KDM5A: variants seen among roughly 807,000 people sequenced by gnomAD.
KDM5A encodes the protein lysine-specific demethylase 5A.
In KDM5A, 42 loss-of-function variants were observed where a neutral mutation model predicts 193.5. That is an observed-to-expected ratio of 0.22 (90% CI 0.17 to 0.28). The LOEUF is 0.28. Among genes scored for constraint, KDM5A ranks in the 10% least tolerant of loss-of-function variants. The pLI, the probability that KDM5A is intolerant of heterozygous loss-of-function variation, is 1.00. For missense variants in KDM5A, 1,692 were observed against 2,055.1 expected (o/e 0.82, Z 3.42); for synonymous variants, 796 against 718.1 (o/e 1.11, Z -1.73).
chr12:296,294 C>A (rs1022461745), intron 25 of KDM5A, among the ~76,000 whole-genome samples: 5 of 150,310 alleles, frequency 3.3e-5, no homozygotes, highest in African/African-American at 1.2e-4. Context: ...TGCACTCCAG[C>A]CTGGGCAACA....
intron 13 of KDM5A, among the ~76,000 whole-genome samples, chr12:331,219 A>G (rs1490276480): frequency 6.6e-6 from 1 of 152,250 alleles, no homozygotes; most frequent in Non-Finnish European, 1.5e-5. Context: ...AATTATCTGT[A>G]TAAGCCTGAT....
chr12:318,392 A>G lies in KDM5A; in HGVS notation c.2611T>C (p.Ser871Pro). Residue 871 changes from serine to proline, a missense_variant, in exon 19 of 28, where the codon TCT becomes CCT. Coordinates refer to ENST00000399788, the MANE Select transcript of KDM5A (RefSeq NM_001042603.3). ...QEAMMDETPD[S>P]SKLQMLIDMG... is the part of the protein sequence containing the mutation. ...TCTATCAACATCTGGAGTTTGGAAG[A>G]ATCTGGGGTTTCATCCATCATGGCC... The G allele has an allele frequency of 9.3e-6, 15 of 1,614,176 alleles. No homozygotes were observed. Among genetic ancestry groups the G allele is most frequent in the Non-Finnish European group, 1.3e-5 (15 of 1,180,014 alleles).
chr12:323,595 G>T lies in KDM5A; in HGVS notation c.2150+5C>A. 1 of 1,613,258 alleles carries T rather than the reference G, an allele frequency of 6.2e-7. No individual in the cohort carries two copies. The highest frequency in any genetic ancestry group is 1.6e-4 in the Middle Eastern group (1 of 6,062). ...ATGGAAGTTTTACAAAATACTTTTG[G>T]ATACCTAAGACATTTCTTCTGCATG... On this transcript the variant is annotated splice_donor_5th_base_variant and intron_variant, in intron 15 of 27. Coordinates refer to ENST00000399788, the MANE Select transcript of KDM5A (RefSeq NM_001042603.3).
Position 309,848 on chromosome 12 carries a change from A to G in KDM5A, c.3333T>C (p.Ser1111=). 2 of 1,613,954 alleles carry G rather than the reference A, an allele frequency of 1.2e-6. No individual in the cohort carries two copies. Among genetic ancestry groups the G allele is most frequent in the Non-Finnish European group, 1.7e-6 (2 of 1,179,980 alleles). The stretch of plus-strand genomic sequence containing the variant: ...TTTCCTCCAATCCTTCCTCCAGATC[A>G]CTCAGAGGCTCCAGGTCCAGATCCT... ...KEKDLDLEPL[S]DLEEGLEETR... The change falls in exon 22 of 28, where the codon AGT becomes AGC. Residue 1111 remains serine, a synonymous_variant. Transcript: ENST00000399788.
intron 3 of KDM5A, among the ~76,000 whole-genome samples, chr12:372,347 TTC>T (rs1182386360): frequency 6.6e-6 from 1 of 152,232 alleles, no homozygotes; most frequent in Non-Finnish European, 1.5e-5. Context: ...AGGTATTTTA[TTC>T]TGTTTGAAGC....
chr12:359,632 C>T (rs1944269119), intron 5 of KDM5A, among the ~76,000 whole-genome samples: 1 of 151,420 alleles, frequency 6.6e-6, no homozygotes, highest in Non-Finnish European at 1.5e-5. Flanking sequence ...GTCCCAGCTA[C>T]CTGGGAGGCT....
At position 284,707 on chromosome 12, in the gene KDM5A, A is replaced by C; in HGVS notation, c.*749T>G. 1 of 233,082 alleles carries C rather than the reference A, an allele frequency of 4.3e-6. No homozygotes were observed. The allele number at this position is 233,082 out of a possible 1,614,324, so 14.4% of individuals were successfully genotyped here. ...CCTAAAATGTAGACCCAAGACAGCA[A>C]GACTTTTCAAAGCCAAAAAACGGCT... On this transcript the variant is annotated 3_prime_UTR_variant, in exon 28 of 28. Transcript: ENST00000399788.
chr12:321,406 A>G (rs1943714376), intron 17 of KDM5A, among the ~76,000 whole-genome samples: 1 of 152,236 alleles, frequency 6.6e-6, no homozygotes, highest in Non-Finnish European at 1.5e-5. Context: ...CTGTATCTCA[A>G]GAAGGTTAAA....
At chr12:293,790 G>A (rs1005391579) in intron 26 of KDM5A, among the ~76,000 whole-genome samples, 2,449 of 93,132 alleles carry the variant, frequency 0.026, 74 homozygotes, top group African/African-American at 0.053. Flanking sequence ...AAAAAAAAAG[G>A]GGGGGGGGGG....
intron 10 of KDM5A, among the ~76,000 whole-genome samples, chr12:348,032 T>C (rs1384573943): frequency 6.6e-6 from 1 of 151,954 alleles, no homozygotes; most frequent in Non-Finnish European, 1.5e-5. Flanking sequence ...AGGGCTAATA[T>C]CCAGAATCTA....
At chr12:347,290 T>C (rs1221026796) in intron 10 of KDM5A, among the ~76,000 whole-genome samples, 1 of 152,232 alleles carries the variant, frequency 6.6e-6, no homozygotes, top group African/African-American at 2.4e-5. Flanking sequence ...GAATATTCCA[T>C]GCTCATGGAT....
In KDM5A at chr12:380,317, C is replaced by T. The variant is rs565326507; in HGVS notation, c.366+3714G>A. On this transcript the variant is annotated intron_variant, in intron 3 of 27. Coordinates refer to ENST00000399788, the MANE Select transcript of KDM5A (RefSeq NM_001042603.3). ...CCATCAGATTAAACCTAAGGTTTACCTTTTAAATGGAAAATCACTGACAGA... is the reference window on the plus strand; with the variant it reads ...CCATCAGATTAAACCTAAGGTTTACTTTTTAAATGGAAAATCACTGACAGA... Among the ~76,000 whole-genome samples the T allele has an allele frequency of 1.3e-3, 190 of 151,720 alleles. 1 individual carries two copies. Among genetic ancestry groups the T allele is most frequent in the Non-Finnish European group, 2.1e-3 (143 of 67,966 alleles).
At chr12:298,147 C>A (rs900444450) in intron 24 of KDM5A, among the ~76,000 whole-genome samples, 1 of 152,222 alleles carries the variant, frequency 6.6e-6, no homozygotes, top group African/African-American at 2.4e-5. Context: ...CCCTGCCTGA[C>A]GGCTCTGAAG....
At chr12:354,048 A>C in intron 8 of KDM5A, 28 bp downstream of exon 8, 1 of 1,589,978 alleles carries the variant, frequency 6.3e-7, no homozygotes, top group Non-Finnish European at 8.6e-7. Context: ...TTTAGTTAAA[A>C]AAGGATCCAT....
Position 307,996 on chromosome 12 carries a change from A to C in KDM5A, c.3388T>G (p.Phe1130Val). 6.2e-7 allele frequency: 1 copy of C among 1,614,068 alleles called. No homozygotes were observed. The highest frequency in any genetic ancestry group is 1.1e-5 in the South Asian group (1 of 91,082). Residue 1130 changes from phenylalanine (F) to valine (V), a missense_variant, in exon 23 of 28, where the codon TTC becomes GTC. By Grantham distance (50) the Phe-to-Val change is conservative (BLOSUM62 -1). This residue lies in a region of KDM5A where 965 missense variants were observed against 1,061.0 expected (regional missense o/e 0.91). Coordinates refer to ENST00000399788, the MANE Select transcript of KDM5A (RefSeq NM_001042603.3). This position sits in a 1 kb window ranked among gnomAD's most constrained non-coding sequence, Gnocchi z 4.3. ...ATCTCTTTTTGCTCCCGTTCTTTGAAAACTGCCACCTGTACAAGACAAACA... is the reference window on the plus strand; with the variant it reads ...ATCTCTTTTTGCTCCCGTTCTTTGACAACTGCCACCTGTACAAGACAAACA... The part of the protein sequence containing the change: ...TRDTAMVVAV[F>V]KEREQKEIEA...
Position 327,705 on chromosome 12 carries a change from C to T in KDM5A, c.1968+1130G>A, listed in dbSNP as rs532297837. On this transcript the variant is annotated intron_variant, in intron 14 of 27. Transcript: ENST00000399788. ...CCTGAGCAACACAGTGAGACTCTGT[C>T]TCAAAAACAACAAAAAGAGAACACA... Among the ~76,000 whole-genome samples the T allele has an allele frequency of 9.2e-5, 14 of 151,960 alleles. No homozygotes were observed. The South Asian group carries it at 2.5e-3, about 27-fold the overall frequency.
intron 3 of KDM5A, among the ~76,000 whole-genome samples, chr12:370,220 CTG>C (rs1944409258): frequency 6.6e-6 from 1 of 152,108 alleles, no homozygotes; most frequent in African/African-American, 2.4e-5. Context: ...TGGTGAAACC[CTG>C]TCTCTACTAA....
rs571238636 is a variant in KDM5A, at chr12:288,071, A to G, written c.4867-2409T>C. Among the ~76,000 whole-genome samples the G allele has an allele frequency of 2.0e-5, 3 of 152,338 alleles. No homozygotes were observed. In the South Asian group the frequency reaches 6.2e-4, roughly 32 times the overall value. On this transcript the variant is annotated intron_variant, in intron 27 of 27. Transcript: ENST00000399788. ...AACAATTTAGCCTGATAATAGAACA[A>G]GCAAAAAATAGTCCTTCTCTTTACC... is the stretch of plus-strand genomic sequence containing the variant.
chr12:343,097 G>A (rs1036850858), intron 10 of KDM5A, among the ~76,000 whole-genome samples: 3 of 152,226 alleles, frequency 2.0e-5, no homozygotes, highest in African/African-American at 7.2e-5. Flanking sequence ...CAAGGTCTTA[G>A]CAACTGGCAG....
Sources: gnomAD v4.1 joint callset for allele counts (sites outside exome capture counted in the v4.1 genomes callset) on GRCh38, gnomAD v4.1.1 for gene constraint, gnomAD v4.1.1 regional missense constraint, Gnocchi (gnomAD v3.1) non-coding constraint, MANE v1.5 for transcripts, NCBI Gene and HGNC (gene_info 2026-07-23, HGNC 2026-07-21) for gene names.